Variants in ANKMY1 observed in about 807,000 individuals in gnomAD.
The protein encoded by ANKMY1 is ankyrin repeat and MYND domain containing 1, also known as ankyrin repeat and MYND domain-containing protein 1.
A neutral mutation model predicts 102.0 loss-of-function variants in ANKMY1; 98 were observed. That is an observed-to-expected ratio of 0.96 (90% confidence interval 0.82 to 1.14). The LOEUF (loss-of-function observed/expected upper bound fraction) is 1.14. Ranked by LOEUF, ANKMY1 falls within the 50% of genes most tolerant of loss-of-function variation. The pLI, the probability that ANKMY1 is intolerant of heterozygous loss-of-function variation, is 0.00. For synonymous variants in ANKMY1, 582 were observed against 559.9 expected (o/e 1.04, Z -0.56); for missense variants, 1,330 against 1,347.6 (o/e 0.99, Z 0.20).
intron 9 of ANKMY1, among the ~76,000 whole-genome samples, chr2:240,519,285 A>G (rs1449901298): frequency 6.6e-6 from 1 of 152,214 alleles, no homozygotes; most frequent in Non-Finnish European, 1.5e-5. Flanking sequence ...GGGTTGGTCT[A>G]GATGTTAAAT....
At position 240,512,947 on chromosome 2, in the gene ANKMY1, A is replaced by C; in HGVS notation, c.2005-5T>G. ...GAGTGGTGTCAGGGTGCTCAGCTGC[A>C]GAGGAAACACCGGGGCGGGCAGTGA... On this transcript the variant is annotated splice_region_variant and splice_polypyrimidine_tract_variant and intron_variant, in intron 9 of 17. Transcript: ENST00000401804. 3 of 1,611,236 alleles carry C rather than the reference A, an allele frequency of 1.9e-6. No individual in the cohort carries two copies. The highest frequency in any genetic ancestry group is 2.5e-6 in the Non-Finnish European group (3 of 1,178,412).
intron 5 of ANKMY1, chr2:240,527,041 G>T (rs2083617984): frequency 2.0e-6 from 2 of 985,994 alleles, no homozygotes; most frequent in African/African-American, 3.5e-5. Context: ...GGATGGTTGG[G>T]TAGGTGGATG....
rs569829146 is a variant in ANKMY1 at position 240,482,320 on chromosome 2, A to G, written c.2807-59T>C. ...GTGGCAGGGTGGGGGCCACCACTGC[A>G]GAAGCCACCTCCTTGCGCCCTCCCT... On this transcript the variant is annotated intron_variant, in intron 15 of 17. Coordinates refer to ENST00000401804, the MANE Select transcript of ANKMY1 (RefSeq NM_001282771.3). The G allele has an allele frequency of 8.0e-5, 120 of 1,493,070 alleles. No individual in the cohort carries two copies. In the Middle Eastern group the frequency reaches 1.1e-3, roughly 13 times the overall value. The allele number at this position is 1,493,070 out of a possible 1,614,324, so 92.5% of individuals were successfully genotyped here. A position where few individuals can be genotyped will look rare whatever the true frequency, so the allele number is the denominator to read the frequency against.
At chr2:240,521,700 G>A (rs1489904230) in intron 8 of ANKMY1, among the ~76,000 whole-genome samples, 7 of 151,778 alleles carry the variant, frequency 4.6e-5, no homozygotes, top group East Asian at 1.9e-4. Context: ...GGGTTTCACC[G>A]TGTTAGCCAG....
Position 240,490,896 on chromosome 2 carries a change from T to C in ANKMY1, c.2807-8635A>G, listed in dbSNP as rs574095891. Among the ~76,000 whole-genome samples the C allele has an allele frequency of 7.2e-5, 11 of 152,340 alleles. No homozygotes were observed. The South Asian group carries it at 2.1e-3, about 29-fold the overall frequency. ...AATGTTTCTTTGTTTATCTTCTGTC[T>C]AGATAATCTGCCTAATGCTGAGAGT... On this transcript the variant is annotated intron_variant, in intron 15 of 17. Transcript: ENST00000401804.
rs2077779522 is a variant in ANKMY1 at position 240,499,459 on chromosome 2, G to A, written c.2806+499C>T. Among the ~76,000 whole-genome samples the A allele has an allele frequency of 6.6e-6, 1 of 151,296 alleles. No individual in the cohort carries two copies. Among genetic ancestry groups the A allele is most frequent in the African/African-American group, 2.4e-5 (1 of 41,024 alleles). ...ATGTGGGAGTGACTAGGTGGGTGGGGTTGAGTACGTGGGTGTGGGTACATG... is the reference window on the plus strand; with the variant it reads ...ATGTGGGAGTGACTAGGTGGGTGGGATTGAGTACGTGGGTGTGGGTACATG... On this transcript the variant is annotated intron_variant, in intron 15 of 17. Transcript: ENST00000401804. The surrounding 1 kb of genome is among the most constrained non-coding windows in gnomAD (Gnocchi z 4.2).
chr2:240,536,036 G>C (rs2086647741), intron 4 of ANKMY1, among the ~76,000 whole-genome samples: 1 of 152,142 alleles, frequency 6.6e-6, no homozygotes, highest in Non-Finnish European at 1.5e-5. Flanking sequence ...AGGCACACAA[G>C]AATGCAGAAA....
At chr2:240,511,705 C>T (rs1045132172) in intron 11 of ANKMY1, among the ~76,000 whole-genome samples, 156 bp downstream of exon 11, 1 of 152,252 alleles carries the variant, frequency 6.6e-6, no homozygotes, top group African/African-American at 2.4e-5. Flanking sequence ...ATCCCGTCCT[C>T]CCGCCTTGCC....
rs752102265 is a variant in ANKMY1 at position 240,529,293 on chromosome 2, G to A, written c.697C>T (p.Leu233=). The change falls in exon 5 of 18, where the codon CTG becomes TTG. Residue 233 remains leucine (L), a synonymous_variant. Transcript: ENST00000401804. The surrounding 1 kb of genome is among the most constrained non-coding windows in gnomAD (Gnocchi z 4.2). ...AAAAAGGGATCCTGTCCCTCCTGCA[G>A]TCCCCACTCCGTTTTCTCCTCTTCT... ...LSEEEKTEWG[L]QEGQDPFFYD... 5 of 1,614,178 alleles carry A rather than the reference G, an allele frequency of 3.1e-6. No homozygotes were observed. In the South Asian group the frequency reaches 5.5e-5, roughly 18 times the overall value.
chr2:240,514,016 G>A (rs546504337), intron 9 of ANKMY1, among the ~76,000 whole-genome samples: 1 of 152,350 alleles, frequency 6.6e-6, no homozygotes, highest in Non-Finnish European at 1.5e-5. Flanking sequence ...CCACAGCCCA[G>A]GCCACCAGGA....
At position 240,529,015 on chromosome 2, in the gene ANKMY1, G is replaced by C; in HGVS notation, c.953+22C>G. On this transcript the variant is annotated intron_variant, in intron 5 of 17. Coordinates refer to ENST00000401804, the MANE Select transcript of ANKMY1 (RefSeq NM_001282771.3). This position sits in a 1 kb window ranked among gnomAD's most constrained non-coding sequence, Gnocchi z 4.2. ...CTGCACAGTGCACGGCCCTAGGGGA[G>C]GAGCAGTAGCAGACTAGTCACCTGA... 6.2e-7 allele frequency: 1 copy of C among 1,609,342 alleles called. No homozygotes were observed. The highest frequency in any genetic ancestry group is 1.3e-5 in the African/African-American group (1 of 74,868).
intron 6 of ANKMY1, 147 bp from the exon 7 acceptor site, chr2:240,525,996 G>A: frequency 1.8e-6 from 2 of 1,108,670 alleles, no homozygotes; most frequent in Non-Finnish European, 2.6e-6. Context: ...AGGGACAAGT[G>A]TGGGACAGAG....
At chr2:240,517,004 C>A (rs1484095113) in intron 9 of ANKMY1, among the ~76,000 whole-genome samples, 1 of 152,196 alleles carries the variant, frequency 6.6e-6, no homozygotes, top group African/African-American at 2.4e-5. Flanking sequence ...AGAGTATATA[C>A]TCTTGCAAAC....
At chr2:240,472,272 C>A in the ANKMY1 span, among the ~76,000 whole-genome samples, 1 of 131,576 alleles carries the variant, frequency 7.6e-6, no homozygotes, top group South Asian at 2.3e-4. Context: ...CGGCCGCACG[C>A]GGGGAGGCAG....
chr2:240,553,192 G>A (rs1323594740), intron 3 of ANKMY1, 135 bp from the exon 4 acceptor site: 23 of 1,059,136 alleles, frequency 2.2e-5, no homozygotes, highest in Non-Finnish European at 3.0e-5. Flanking sequence ...AGGGATGCCT[G>A]GCATGCGACT....
upstream of ANKMY1, chr2:240,560,325 G>C (rs1559406388): frequency 1.1e-5 from 2 of 184,870 alleles, no homozygotes; most frequent in Non-Finnish European, 2.2e-5. Flanking sequence ...AGACGCCGCA[G>C]TAGAGCGGGC....
chr2:240,492,737 C>G (rs1182764965), intron 15 of ANKMY1, among the ~76,000 whole-genome samples: 2 of 152,176 alleles, frequency 1.3e-5, no homozygotes, highest in African/African-American at 4.8e-5. Context: ...GTCGCCCAGA[C>G]TGGAGTGCAG....
At chr2:240,537,773 G>T (rs980165387) in intron 4 of ANKMY1, among the ~76,000 whole-genome samples, 4 of 152,214 alleles carry the variant, frequency 2.6e-5, no homozygotes, top group African/African-American at 9.7e-5. Flanking sequence ...TCTTCTGCAC[G>T]CTGTAAACCA....
chr2:240,516,149 G>GTT (rs201692263), intron 9 of ANKMY1, among the ~76,000 whole-genome samples: 28 of 100,342 alleles, frequency 2.8e-4, no homozygotes, highest in East Asian at 2.2e-3. Flanking sequence ...GTTTTTGTGG[G>GTT]GTTTTTTTTT....
Sources: gnomAD v4.1 joint callset for allele counts (sites outside exome capture counted in the v4.1 genomes callset) on GRCh38, gnomAD v4.1.1 for gene constraint, Gnocchi (gnomAD v3.1) non-coding constraint, MANE v1.5 for transcripts, NCBI Gene and HGNC (gene_info 2026-07-23, HGNC 2026-07-21) for gene names.